CAST: variants seen among roughly 807,000 people sequenced by gnomAD.
CAST encodes the protein MIR583 host.
CAST carries 76 observed loss-of-function variants against 119.6 expected under a neutral mutation model. That is an observed-to-expected ratio of 0.64 (90% CI 0.53 to 0.77). CAST has a LOEUF of 0.77. Ranked by LOEUF, CAST falls within the 30% of genes least tolerant of loss-of-function variation. CAST has a pLI of 0.00. For missense variants in CAST, 953 were observed against 946.5 expected (o/e 1.01, Z -0.09); for synonymous variants, 319 against 331.6 (o/e 0.96, Z 0.41).
At chr5:96,073,717 A>G in the CAST span, among the ~76,000 whole-genome samples, 2 of 152,162 alleles carry the variant, frequency 1.3e-5, no homozygotes, top group Non-Finnish European at 2.9e-5. Flanking sequence ...TAATGCTGCC[A>G]TTGATCTGAC....
intron 3 of CAST, among the ~76,000 whole-genome samples, chr5:96,722,076 A>G (rs961208827): frequency 1.3e-5 from 2 of 152,172 alleles, no homozygotes; most frequent in African/African-American, 4.8e-5. Flanking sequence ...CACACTGGCA[A>G]TTTAATGAGC....
chr5:96,305,010 G>T, the CAST span, among the ~76,000 whole-genome samples: 1 of 152,144 alleles, frequency 6.6e-6, no homozygotes, highest in African/African-American at 2.4e-5. Flanking sequence ...GCTTGATGTG[G>T]ATAGCATTGA....
At chr5:96,637,056 A>G (rs1747896715) in intron 1 of CAST, among the ~76,000 whole-genome samples, 1 of 152,170 alleles carries the variant, frequency 6.6e-6, no homozygotes, top group Admixed American at 6.5e-5. Context: ...TACTGTGACT[A>G]TGAAAGAGTT....
chr5:96,545,678 C>A (rs1410589683), intron 1 of CAST, among the ~76,000 whole-genome samples: 1 of 152,162 alleles, frequency 6.6e-6, no homozygotes, highest in African/African-American at 2.4e-5. Flanking sequence ...GAAGTCTATA[C>A]CGTTAAGCCC....
the CAST span, among the ~76,000 whole-genome samples, chr5:95,979,730 A>G: frequency 1.3e-5 from 2 of 152,234 alleles, no homozygotes; most frequent in East Asian, 1.9e-4. Context: ...CATATTCCCT[A>G]TAACCTAAAT....
At chr5:96,179,616 G>A in the CAST span, among the ~76,000 whole-genome samples, 2 of 152,230 alleles carry the variant, frequency 1.3e-5, no homozygotes, top group East Asian at 3.8e-4. Flanking sequence ...AGAGAAGGCG[G>A]AGTTGTGCTG....
intron 1 of CAST, among the ~76,000 whole-genome samples, chr5:96,578,343 C>T (rs1414680281): frequency 2.0e-5 from 3 of 149,286 alleles, no homozygotes; most frequent in East Asian, 2.0e-4. Context: ...TCTTATGGAC[C>T]GCATATAGTT....
intron 1 of CAST, among the ~76,000 whole-genome samples, chr5:96,544,835 A>G (rs13168392): frequency 1.3e-5 from 2 of 151,804 alleles, no homozygotes. Flanking sequence ...TGGATAAAAA[A>G]AAAACACAAC....
the CAST span, among the ~76,000 whole-genome samples, chr5:96,465,901 A>G: frequency 6.6e-6 from 1 of 152,012 alleles, no homozygotes; most frequent in East Asian, 1.9e-4. Context: ...ATCTATATCT[A>G]TTTCTATATC....
chr5:96,281,729 T>C, the CAST span, among the ~76,000 whole-genome samples: 1 of 152,208 alleles, frequency 6.6e-6, no homozygotes, highest in Admixed American at 6.5e-5. Context: ...AAAAGGTATC[T>C]GAAAGCTCTC....
At chr5:96,041,064 T>C in the CAST span, among the ~76,000 whole-genome samples, 1 of 152,126 alleles carries the variant, frequency 6.6e-6, no homozygotes, top group Non-Finnish European at 1.5e-5. Flanking sequence ...TATTGGTCTA[T>C]TCAGAGATTC....
intron 1 of CAST, among the ~76,000 whole-genome samples, chr5:96,663,586 G>A (rs1449089114): frequency 1.3e-5 from 2 of 152,182 alleles, no homozygotes; most frequent in East Asian, 1.9e-4. Context: ...TTTAGAGGGC[G>A]ATTGTTGGAC....
the CAST span, among the ~76,000 whole-genome samples, chr5:96,440,952 C>T: frequency 6.6e-6 from 1 of 152,296 alleles, no homozygotes; most frequent in Non-Finnish European, 1.5e-5. Context: ...AGAGCAGACT[C>T]AAAACAGACC....
intron 2 of CAST, among the ~76,000 whole-genome samples, chr5:96,695,204 A>G (rs1378750539): frequency 2.0e-5 from 3 of 152,212 alleles, no homozygotes; most frequent in African/African-American, 7.2e-5. Context: ...ATATTGGTTT[A>G]TCTTGTTACT....
At chr5:96,423,297 G>T in the CAST span, 1 of 1,600,676 alleles carries the variant, frequency 6.2e-7, no homozygotes, top group Non-Finnish European at 8.5e-7. Flanking sequence ...ACAGTCATGA[G>T]AAGGCACACA....
chr5:96,704,723 C>T (rs1340220489), intron 3 of CAST, among the ~76,000 whole-genome samples: 3 of 152,180 alleles, frequency 2.0e-5, no homozygotes, highest in African/African-American at 2.4e-5. Flanking sequence ...ATTGGTGTGT[C>T]TAACCTCATA....
chr5:96,484,061 C>T, the CAST span, among the ~76,000 whole-genome samples: 1 of 152,110 alleles, frequency 6.6e-6, no homozygotes, highest in Admixed American at 6.5e-5. Flanking sequence ...ACTTCAGAAC[C>T]TAGGACAGCA....
At chr5:96,270,684 C>A in the CAST span, among the ~76,000 whole-genome samples, 1 of 151,800 alleles carries the variant, frequency 6.6e-6, no homozygotes, top group South Asian at 2.1e-4. Context: ...TGGTGGGGAG[C>A]AACACACACT....
At chr5:96,409,404 T>A in the CAST span, among the ~76,000 whole-genome samples, 3 of 152,264 alleles carry the variant, frequency 2.0e-5, no homozygotes, top group Non-Finnish European at 2.9e-5. Context: ...TTGCCCTTTT[T>A]ACCTGTTGAC....
Sources: gnomAD v4.1 joint callset for allele counts (sites outside exome capture counted in the v4.1 genomes callset) on GRCh38, gnomAD v4.1.1 for gene constraint, MANE v1.5 for transcripts, NCBI Gene and HGNC (gene_info 2026-07-23, HGNC 2026-07-21) for gene names.